Variants in HDAC9 observed in about 807,000 individuals in gnomAD.
HDAC9 encodes the protein MEF-2 interacting transcription repressor (MITR) protein.
HDAC9 carries 41 observed loss-of-function variants against 139.4 expected under a neutral mutation model. The observed-to-expected ratio is 0.29, with a 90% CI of 0.23 to 0.38. HDAC9 has a LOEUF of 0.38. HDAC9 is among the 10% of genes least tolerant of loss of function. The pLI, the probability that HDAC9 is intolerant of heterozygous loss-of-function variation, is 1.00. For missense variants in HDAC9, 1,147 were observed against 1,297.0 expected (o/e 0.88, Z 1.78); for synonymous variants, 517 against 476.2 (o/e 1.09, Z -1.12).
chr7:18,843,868 A>G (rs1796741475), intron 21 of HDAC9, among the ~76,000 whole-genome samples: 1 of 152,186 alleles, frequency 6.6e-6, no homozygotes, highest in Non-Finnish European at 1.5e-5. Flanking sequence ...TTACATATTG[A>G]CTTTCCCACG....
chr7:18,591,763 C>T (rs1454629653), intron 5 of HDAC9, 121 bp downstream of exon 5: 3 of 1,294,106 alleles, frequency 2.3e-6, no homozygotes, highest in Admixed American at 4.6e-5. Context: ...GGGCAAGTTC[C>T]TTCAGTTCTC....
chr7:18,590,255 T>C, intron 3 of HDAC9, 81 bp from the exon 4 acceptor site: 1 of 1,409,718 alleles, frequency 7.1e-7, no homozygotes, highest in Non-Finnish European at 9.7e-7. Flanking sequence ...TTCCAAAAGC[T>C]CATAACATTT....
chr7:18,573,432 T>C (rs191250460), intron 2 of HDAC9, among the ~76,000 whole-genome samples: 1 of 152,370 alleles, frequency 6.6e-6, no homozygotes, highest in Non-Finnish European at 1.5e-5. Flanking sequence ...TAGGGATCGC[T>C]AGGGCGTTGC....
At chr7:18,363,060 T>G (rs530189128) in intron 1 of HDAC9, among the ~76,000 whole-genome samples, 8 of 152,312 alleles carry the variant, frequency 5.3e-5, no homozygotes, top group Admixed American at 5.2e-4. Context: ...TATTTTGGAT[T>G]GATTAAAGAA....
At chr7:18,391,042 T>C (rs1182459014) in intron 1 of HDAC9, among the ~76,000 whole-genome samples, 5 of 152,092 alleles carry the variant, frequency 3.3e-5, no homozygotes, top group Non-Finnish European at 5.9e-5. Context: ...TGAGCCAAGA[T>C]TGTGCCATTG....
intron 12 of HDAC9, among the ~76,000 whole-genome samples, chr7:18,706,330 G>A (rs556973386): frequency 7.6e-4 from 116 of 152,026 alleles, no homozygotes; most frequent in African/African-American, 2.5e-3. Flanking sequence ...TAAAGACTTC[G>A]TTGATTTTTT....
intron 1 of HDAC9, among the ~76,000 whole-genome samples, chr7:18,391,337 A>G (rs890476576): frequency 1.2e-4 from 19 of 152,150 alleles, no homozygotes; most frequent in South Asian, 6.2e-4. Flanking sequence ...GTGAGCCGCT[A>G]TCGTGCCACT....
At chr7:18,883,030 A>G (rs1799846101) in intron 22 of HDAC9, among the ~76,000 whole-genome samples, 1 of 152,166 alleles carries the variant, frequency 6.6e-6, no homozygotes. Flanking sequence ...TAATAAATCC[A>G]GAGACAATTG....
intron 6 of HDAC9, among the ~76,000 whole-genome samples, chr7:18,623,144 T>TG (rs1840691792): frequency 1.0e-5 from 1 of 96,778 alleles, no homozygotes; most frequent in Non-Finnish European, 2.3e-5. Flanking sequence ...ACCCGGTCTC[T>TG]GGAAAAAAAA....
At chr7:18,270,796 T>C (rs1796305806) in intron 2 of HDAC9, among the ~76,000 whole-genome samples, 1 of 152,168 alleles carries the variant, frequency 6.6e-6, no homozygotes, top group Non-Finnish European at 1.5e-5. Context: ...TCTGACAAGC[T>C]AAATAAAACC....
At chr7:18,800,295 A>G (rs958502382) in intron 17 of HDAC9, among the ~76,000 whole-genome samples, 2 of 152,202 alleles carry the variant, frequency 1.3e-5, no homozygotes, top group African/African-American at 4.8e-5. Context: ...ACTATCTGAT[A>G]GGAAAAATTT....
chr7:18,917,690 A>AT (rs1385204357), intron 22 of HDAC9, among the ~76,000 whole-genome samples: 2 of 151,910 alleles, frequency 1.3e-5, no homozygotes, highest in Admixed American at 6.6e-5. Context: ...AAATAAGTAC[A>AT]TTTTTTTCAT....
chr7:18,954,900 T>C (rs1029574705), intron 24 of HDAC9, among the ~76,000 whole-genome samples: 3 of 152,106 alleles, frequency 2.0e-5, no homozygotes, highest in African/African-American at 7.2e-5. Flanking sequence ...AAGAAGCCAC[T>C]TGCCAGCTAT....
rs533114390 is a variant in HDAC9, at chr7:18,643,007, C to T, written c.913-1664C>T. Among the ~76,000 whole-genome samples, 8 of 152,188 alleles carry T rather than the reference C, an allele frequency of 5.3e-5. No individual in the cohort carries two copies. In the South Asian group the frequency reaches 1.7e-3, roughly 32 times the overall value. ...ATGCTTATTTTTCCACACTTATTTT[C>T]TCTTCAATGAATACAGATAAGTGAA... On this transcript the variant is annotated intron_variant, in intron 8 of 25. Transcript: ENST00000686413.
intron 25 of HDAC9, among the ~76,000 whole-genome samples, chr7:18,989,308 C>T (rs1785655842): frequency 6.6e-6 from 1 of 151,558 alleles, no homozygotes; most frequent in African/African-American, 2.4e-5. Context: ...TATTTAATTT[C>T]TCCTTCACTT....
At chr7:18,596,775 A>G (rs949277686) in intron 6 of HDAC9, among the ~76,000 whole-genome samples, 2 of 152,136 alleles carry the variant, frequency 1.3e-5, no homozygotes, top group African/African-American at 4.8e-5. Context: ...TAGAGTTAAA[A>G]GAAGTTGTTA....
At chr7:18,281,919 C>T (rs1797132429) in intron 2 of HDAC9, among the ~76,000 whole-genome samples, 1 of 152,148 alleles carries the variant, frequency 6.6e-6, no homozygotes, top group Admixed American at 6.5e-5. Context: ...GGGAAGAGAA[C>T]ATAATTAAAA....
At chr7:18,655,222 A>T (rs573993943) in intron 11 of HDAC9, among the ~76,000 whole-genome samples, 1 of 152,150 alleles carries the variant, frequency 6.6e-6, no homozygotes, top group African/African-American at 2.4e-5. Flanking sequence ...CTCTCCATCC[A>T]TTTGACAGCT....
At chr7:18,525,418 T>C (rs1437841040) in intron 2 of HDAC9, among the ~76,000 whole-genome samples, 1 of 152,158 alleles carries the variant, frequency 6.6e-6, no homozygotes, top group Non-Finnish European at 1.5e-5. Flanking sequence ...TCATACAAGA[T>C]AAATCTTTAA....
Sources: allele counts gnomAD v4.1 joint callset (sites outside exome capture counted in the v4.1 genomes callset), GRCh38; gene constraint gnomAD v4.1.1; transcripts MANE v1.5; gene names NCBI Gene and HGNC (gene_info 2026-07-23, HGNC 2026-07-21).